Variants in DCST2 observed in about 807,000 individuals in gnomAD.
The protein encoded by DCST2 is DC-STAMP domain-containing protein 2.
In DCST2, 64 loss-of-function variants were observed where a neutral mutation model predicts 81.8. That is an observed-to-expected ratio of 0.78 (90% CI 0.64 to 0.96). The LOEUF (loss-of-function observed/expected upper bound fraction) is 0.96. Among genes scored for constraint, DCST2 ranks in the 40% least tolerant of loss-of-function variants. The pLI is 0.00. For synonymous variants in DCST2, 354 were observed against 402.6 expected (o/e 0.88, Z 1.44); for missense variants, 945 against 1,001.4 (o/e 0.94, Z 0.76).
chr1:155,023,060 A>T (rs1431921734), intron 14 of DCST2, 57 bp downstream of exon 14: 1 of 1,578,260 alleles, frequency 6.3e-7, no homozygotes, highest in Non-Finnish European at 8.6e-7. Context: ...TTGCAAATGG[A>T]ACAGAACATG....
Position 155,023,933 on chromosome 1 carries a change from C to A in DCST2, c.1769G>T (p.Ser590Ile), listed in dbSNP as rs1659825386. The stretch of plus-strand genomic sequence containing the variant: ...GTAGGCCTGATGCAGCCAAAAGTGG[C>A]TGACAAATGGACCTAGGCAGGGGCA... ...SRCPCLGPFV[S>I]HFWLHQAYCL... The change falls in exon 12 of 15, where the codon AGC (serine) becomes ATC (isoleucine). Residue 590 changes from serine (S) to isoleucine (I), a missense_variant. Ser to Ile is a moderately radical substitution (Grantham distance 142). Coordinates refer to ENST00000368424, the MANE Select transcript of DCST2 (RefSeq NM_144622.3). The A allele has an allele frequency of 6.2e-7, 1 of 1,613,332 alleles. No individual in the cohort carries two copies. Among genetic ancestry groups the A allele is most frequent in the African/African-American group, 1.3e-5 (1 of 74,906 alleles).
rs774519160 is a variant in DCST2 at position 155,018,593 on chromosome 1, G to C, written c.2273C>G (p.Pro758Arg). 3 of 1,613,716 alleles carry C rather than the reference G, an allele frequency of 1.9e-6. No homozygotes were observed. In the African/African-American group the frequency reaches 4.0e-5, roughly 22 times the overall value. The change falls in exon 15 of 15, where the codon CCT (proline) becomes CGT (arginine). Residue 758 changes from proline to arginine, a missense_variant. Coordinates refer to ENST00000368424, the MANE Select transcript of DCST2 (RefSeq NM_144622.3). ...ATCAGGAAGAGAGGGAGGTGAGAGA[G>C]GGACTGAGGGTTCTGAAGCTGGAGT... ...APTPASEPSV[P>R]LSPPSLPDPS...
At chr1:155,023,753 A>G (rs537097066) in intron 12 of DCST2, 79 bp downstream of exon 12, 5 of 1,601,236 alleles carry the variant, frequency 3.1e-6, no homozygotes, top group Non-Finnish European at 3.4e-6. Context: ...AAGTCCATCA[A>G]GGAAGGACCA....
At chr1:155,027,189 C>G (rs888693436) in intron 8 of DCST2, among the ~76,000 whole-genome samples, 1 of 147,876 alleles carries the variant, frequency 6.8e-6, no homozygotes, top group Middle Eastern at 3.4e-3. Flanking sequence ...CGTGCCACCA[C>G]GACCGGCTAT....
At position 155,030,232 on chromosome 1, in the gene DCST2, A is replaced by G; in HGVS notation, c.1029T>C (p.Phe343=). 6.2e-7 allele frequency: 1 copy of G among 1,614,064 alleles called. No homozygotes were observed. Among genetic ancestry groups the G allele is most frequent in the South Asian group, 1.1e-5 (1 of 91,074 alleles). ...LLVLLYLQAL[F]YRYCYLNWDH... is the part of the protein sequence containing the mutation. The stretch of plus-strand genomic sequence containing the variant: ...CCCAGTTCAGGTAACAATACCGGTA[A>G]AATAGGGCTCTGGGAAGGGGAGGTG... The change falls in exon 7 of 15, where the codon TTT becomes TTC. Residue 343 remains phenylalanine, a synonymous_variant. Transcript: ENST00000368424.
chr1:155,024,664 C>T, intron 10 of DCST2, 62 bp from the exon 11 acceptor site: 1 of 1,499,548 alleles, frequency 6.7e-7, no homozygotes, highest in East Asian at 2.4e-5. Flanking sequence ...CTGGAATGCC[C>T]TCTGCACCCA....
Position 155,030,176 on chromosome 1 carries a change from C to A in DCST2, c.1085G>T (p.Arg362Leu). The change falls in exon 7 of 15, where the codon CGA becomes CTA. Residue 362 changes from arginine to leucine, a missense_variant. Coordinates refer to ENST00000368424, the MANE Select transcript of DCST2 (RefSeq NM_144622.3). Reference sequence around the variant, plus strand: ...GCGCACAGCCTCCATGCGCAGGAATCGGCTAGTGATGTAGATATTGTCATA... The same window carrying A: ...GCGCACAGCCTCCATGCGCAGGAATAGGCTAGTGATGTAGATATTGTCATA... ...DHYDNIYITS[R>L]FLRMEAVRST... 2 of 1,614,010 alleles carry A rather than the reference C, an allele frequency of 1.2e-6. No homozygotes were observed. The highest frequency in any genetic ancestry group is 1.7e-6 in the Non-Finnish European group (2 of 1,180,042).
Position 155,024,590 on chromosome 1 carries a change from A to G in DCST2, c.1624T>C (p.Tyr542His), listed in dbSNP as rs1454977450. 1 of 1,601,666 alleles carries G rather than the reference A, an allele frequency of 6.2e-7. No homozygotes were observed. The highest frequency in any genetic ancestry group is 8.5e-7 in the Non-Finnish European group (1 of 1,173,996). The change falls in exon 11 of 15, where the codon TAC (tyrosine) becomes CAC (histidine). Residue 542 changes from tyrosine (Y) to histidine (H), a missense_variant. Transcript: ENST00000368424. Reference sequence around the variant, plus strand: ...CGGCTCAGAAGTACATTGTACAGGTAGGAGATCCTCTCCTGGTGCGGGGAG... The same window carrying G: ...CGGCTCAGAAGTACATTGTACAGGTGGGAGATCCTCTCCTGGTGCGGGGAG... ...YPSREQERIS[Y>H]LYNVLLSRRT...
chr1:155,030,802 A>G (rs958530353), intron 5 of DCST2, 157 bp from the exon 6 acceptor site: 2 of 713,228 alleles, frequency 2.8e-6, no homozygotes, highest in Admixed American at 2.8e-5. Flanking sequence ...GGAGGGGACA[A>G]AGCCTCCACG....
At chr1:155,028,189 G>A (rs1334435053) in intron 8 of DCST2, among the ~76,000 whole-genome samples, 5 of 152,120 alleles carry the variant, frequency 3.3e-5, no homozygotes. Context: ...TCCTCCTAAA[G>A]TGCTAGGATT....
chr1:155,024,240 G>A (rs1042466493), intron 11 of DCST2, among the ~76,000 whole-genome samples: 1 of 152,096 alleles, frequency 6.6e-6, no homozygotes, highest in East Asian at 1.9e-4. Context: ...CATGGCACAT[G>A]TATACATATG....
rs1660145011 is a variant in DCST2 at position 155,032,983 on chromosome 1, A to G, written c.439+111T>C. ...TGCCCAGAGTCCCTTCCAGGCCCAGATGCTCCGCGATTAGCACCAGCAGAG... is the reference window on the plus strand; with the variant it reads ...TGCCCAGAGTCCCTTCCAGGCCCAGGTGCTCCGCGATTAGCACCAGCAGAG... On this transcript the variant is annotated intron_variant, in intron 2 of 14. Transcript: ENST00000368424. The G allele has an allele frequency of 2.4e-6, 3 of 1,275,444 alleles. No homozygotes were observed. The Admixed American group carries it at 8.2e-5, about 35-fold the overall frequency. The allele number at this position is 1,275,444 out of a possible 1,614,324, so 79.0% of individuals were successfully genotyped here.
chr1:155,025,856 TTTTC>T (rs928316815), intron 10 of DCST2, among the ~76,000 whole-genome samples: 7 of 152,038 alleles, frequency 4.6e-5, no homozygotes, highest in African/African-American at 1.7e-4. Flanking sequence ...TGGCGTTTTA[TTTTC>T]TTTTTTTTTC....
intron 4 of DCST2, 33 bp from the exon 5 acceptor site, chr1:155,031,267 AG>A (rs1314930383): frequency 6.5e-7 from 1 of 1,546,884 alleles, no homozygotes; most frequent in Non-Finnish European, 8.7e-7. Context: ...TGTCGGAAGG[AG>A]GGGCACAGCC....
In DCST2 at chr1:155,026,330, C is replaced by G; in HGVS notation, c.1583G>C (p.Cys528Ser). Residue 528 changes from cysteine (C) to serine (S), a missense_variant, in exon 10 of 15, where the codon TGT becomes TCT. Transcript: ENST00000368424. ...CTCCCGGGATGGGTAGTAGGAGGCACAGATGACTCGCCGCAGCCGGCTGAC... is the reference window on the plus strand; with the variant it reads ...CTCCCGGGATGGGTAGTAGGAGGCAGAGATGACTCGCCGCAGCCGGCTGAC... Reference protein sequence around the residue: ...SYVSRLRRVICASYYPSREQE... With the variant: ...SYVSRLRRVISASYYPSREQE... 1 of 1,613,836 alleles carries G rather than the reference C, an allele frequency of 6.2e-7. No homozygotes were observed. Among genetic ancestry groups the G allele is most frequent in the East Asian group, 2.2e-5 (1 of 44,874 alleles).
chr1:155,020,642 C>T (rs1401220414), intron 14 of DCST2, among the ~76,000 whole-genome samples: 2 of 152,160 alleles, frequency 1.3e-5, no homozygotes, highest in Non-Finnish European at 2.9e-5. Context: ...GCTAGGATTA[C>T]AGGCGTGAGC....
chr1:155,029,083 T>C, intron 8 of DCST2, 150 bp downstream of exon 8: 1 of 897,052 alleles, frequency 1.1e-6, no homozygotes. Context: ...ACTTGTGGGC[T>C]GCTGAGTAAC....
At chr1:155,032,238 C>T (rs1049049746) in intron 3 of DCST2, among the ~76,000 whole-genome samples, 9 of 151,912 alleles carry the variant, frequency 5.9e-5, no homozygotes, top group Non-Finnish European at 5.9e-5. Flanking sequence ...CCTGATCCAC[C>T]GCCTCAGCCT....
At chr1:155,026,277 T>A (rs1371206385) in intron 10 of DCST2, 25 bp downstream of exon 10, 2 of 1,609,196 alleles carry the variant, frequency 1.2e-6, no homozygotes. Flanking sequence ...GGGCAGGGAC[T>A]AGCTCCCAGC....
Sources: allele counts gnomAD v4.1 joint callset (sites outside exome capture counted in the v4.1 genomes callset), GRCh38; gene constraint gnomAD v4.1.1; transcripts MANE v1.5; gene names NCBI Gene and HGNC (gene_info 2026-07-23, HGNC 2026-07-21).